The following CEP112 variants were observed in gnomAD, a reference collection of about 807,000 sequenced individuals.
The protein encoded by CEP112 is centrosomal protein of 112 kDa.
A neutral mutation model predicts 153.0 loss-of-function variants in CEP112; 127 were observed. The ratio of observed to expected loss-of-function variants is 0.83; its 90% CI spans 0.72 to 0.96. CEP112 has a LOEUF of 0.96. Ranked by LOEUF, CEP112 falls within the 40% of genes least tolerant of loss-of-function variation. The probability of loss-of-function intolerance (pLI) is 0.00; values close to 1 mark genes in which losing one functional copy is unlikely to be tolerated. For synonymous variants in CEP112, 358 were observed against 374.4 expected (o/e 0.96, Z 0.51); for missense variants, 1,089 against 1,101.2 (o/e 0.99, Z 0.16).
At chr17:65,750,874 C>G (rs1476155347) in intron 21 of CEP112, 150 bp from the exon 22 acceptor site, 2 of 577,756 alleles carry the variant, frequency 3.5e-6, no homozygotes, top group Admixed American at 3.0e-5. Flanking sequence ...TTTGATGTTA[C>G]GCCAACTATT....
intron 18 of CEP112, among the ~76,000 whole-genome samples, chr17:65,949,125 T>C (rs914773693): frequency 6.6e-6 from 1 of 152,248 alleles, no homozygotes; most frequent in African/African-American, 2.4e-5. Context: ...AATCAACTGA[T>C]AATCTGTAAT....
chr17:65,796,869 CAAAAAAAAAA>C, intron 21 of CEP112, among the ~76,000 whole-genome samples: 1 of 40,590 alleles, frequency 2.5e-5, no homozygotes, highest in South Asian at 1.0e-3. Flanking sequence ...CCCATCTCTA[CAAAAAAAAAA>C]AAAAAAAAAA....
chr17:66,185,349 A>G (rs192436865), intron 1 of CEP112, among the ~76,000 whole-genome samples: 8 of 152,052 alleles, frequency 5.3e-5, no homozygotes, highest in Non-Finnish European at 7.4e-5. Flanking sequence ...CAGACTCCTG[A>G]GTAGCTGGGA....
intron 24 of CEP112, among the ~76,000 whole-genome samples, chr17:65,682,948 G>A (rs2047604068): frequency 6.6e-6 from 1 of 152,180 alleles, no homozygotes; most frequent in Admixed American, 6.5e-5. Context: ...AACCCTGTGG[G>A]AAGATATTTT....
rs75578796 is a variant in CEP112, at chr17:65,641,176, G to A, written c.2698-111C>T. On this transcript the variant is annotated intron_variant, in intron 24 of 26. Coordinates refer to ENST00000535342, the MANE Select transcript of CEP112 (RefSeq NM_001199165.4). ...TCACAATGAAAGGTTTGTTACACGC[G>A]GTCAGAAACCAGACAATAAAGATGA... 2,711 of 627,254 alleles carry A rather than the reference G, an allele frequency of 4.3e-3. 52 individuals are homozygous for A. Among genetic ancestry groups the A allele is most frequent in the African/African-American group, 0.039 (2,101 of 54,098 alleles). 38.9% of individuals were successfully genotyped at this position (627,254 alleles called of 1,614,324 possible). A position where few individuals can be genotyped will look rare whatever the true frequency, so the allele number is the denominator to read the frequency against.
At chr17:65,686,606 G>A (rs893251250) in intron 24 of CEP112, among the ~76,000 whole-genome samples, 3 of 152,124 alleles carry the variant, frequency 2.0e-5, no homozygotes, top group African/African-American at 7.2e-5. Context: ...ACAGAGGATG[G>A]GGCTCAGTTG....
chr17:66,149,884 G>GCTTTTTT (rs2071105490), intron 4 of CEP112, among the ~76,000 whole-genome samples: 1 of 46,838 alleles, frequency 2.1e-5, no homozygotes, highest in Non-Finnish European at 3.7e-5. Flanking sequence ...TTTTTTGTTT[G>GCTTTTTT]TTTGTTTTTT....
intron 4 of CEP112, among the ~76,000 whole-genome samples, chr17:66,152,115 GAAAGT>G (rs2071235730): frequency 1.3e-5 from 2 of 152,176 alleles, no homozygotes; most frequent in South Asian, 4.2e-4. Flanking sequence ...TTTGGTATCT[GAAAGT>G]AAAGTACAGC....
intron 23 of CEP112, among the ~76,000 whole-genome samples, chr17:65,719,839 G>C (rs1423228038): frequency 6.6e-6 from 1 of 152,218 alleles, no homozygotes; most frequent in Non-Finnish European, 1.5e-5. Context: ...GGGCAGGCAG[G>C]GCAGCCTTGC....
At chr17:66,054,066 A>C (rs1470158712) in intron 11 of CEP112, among the ~76,000 whole-genome samples, 187 bp from the exon 12 acceptor site, 4 of 152,248 alleles carry the variant, frequency 2.6e-5, no homozygotes, top group Non-Finnish European at 5.9e-5. Flanking sequence ...ATCAAGAAAC[A>C]CTTAATTTTT....
At chr17:65,755,959 C>T (rs1370383919) in intron 21 of CEP112, among the ~76,000 whole-genome samples, 1 of 152,126 alleles carries the variant, frequency 6.6e-6, no homozygotes, top group Non-Finnish European at 1.5e-5. Flanking sequence ...AACCATGCTA[C>T]TGGATGAGAT....
intron 19 of CEP112, chr17:65,913,824 A>G: frequency 2.0e-6 from 2 of 985,450 alleles, no homozygotes; most frequent in Non-Finnish European, 2.4e-6. Context: ...AAGCTGATAG[A>G]TGAAGCAAGG....
chr17:65,960,822 T>C (rs2062172102), intron 18 of CEP112, among the ~76,000 whole-genome samples: 1 of 152,200 alleles, frequency 6.6e-6, no homozygotes, highest in Non-Finnish European at 1.5e-5. Context: ...CAATTAATTA[T>C]AATGGATTTC....
intron 20 of CEP112, among the ~76,000 whole-genome samples, chr17:65,900,128 A>G (rs1238148541): frequency 6.6e-6 from 1 of 152,182 alleles, no homozygotes; most frequent in African/African-American, 2.4e-5. Flanking sequence ...TTTGGTACAC[A>G]TGATAAGATT....
chr17:66,128,918 G>A (rs1330955850), intron 6 of CEP112, among the ~76,000 whole-genome samples: 1 of 152,042 alleles, frequency 6.6e-6, no homozygotes, highest in Non-Finnish European at 1.5e-5. Context: ...GAAAAGATAT[G>A]TTATATAACA....
At chr17:65,644,164 C>T in intron 24 of CEP112, 1 of 855,006 alleles carries the variant, frequency 1.2e-6, no homozygotes, top group East Asian at 2.4e-5. Context: ...AACAATTCAA[C>T]TTGCAGTTGT....
chr17:66,035,139 C>T (rs2065679484), intron 12 of CEP112, among the ~76,000 whole-genome samples: 1 of 151,286 alleles, frequency 6.6e-6, no homozygotes, highest in South Asian at 2.1e-4. Flanking sequence ...CACGCCCAGC[C>T]TGAACTTGAA....
intron 18 of CEP112, among the ~76,000 whole-genome samples, chr17:65,941,067 G>C (rs886849128): frequency 6.6e-6 from 1 of 151,612 alleles, no homozygotes; most frequent in East Asian, 1.9e-4. Flanking sequence ...AATTATTTGG[G>C]GTCAAAAAAA....
chr17:65,970,309 T>A (rs536411948), intron 17 of CEP112, among the ~76,000 whole-genome samples: 5 of 113,086 alleles, frequency 4.4e-5, no homozygotes, highest in East Asian at 1.0e-3. Flanking sequence ...CATGTGTATC[T>A]CATATGTAAA....
Sources: allele counts gnomAD v4.1 joint callset (sites outside exome capture counted in the v4.1 genomes callset), GRCh38; gene constraint gnomAD v4.1.1; transcripts MANE v1.5; gene names NCBI Gene and HGNC (gene_info 2026-07-23, HGNC 2026-07-21).